TRIM45: variants seen among roughly 807,000 people sequenced by gnomAD.
The protein encoded by TRIM45 is tripartite motif containing 45, also known as E3 ubiquitin-protein ligase TRIM45.
Under a neutral mutation model 46.7 loss-of-function variants are expected in TRIM45, and 45 were observed. The observed-to-expected ratio is 0.96, with a 90% CI of 0.76 to 1.24. The LOEUF is 1.24. Ranked by LOEUF, TRIM45 falls within the 50% of genes most tolerant of loss-of-function variation. The pLI is 0.00. For missense variants in TRIM45, 680 were observed against 728.4 expected (o/e 0.93, Z 0.77); for synonymous variants, 259 against 285.8 (o/e 0.91, Z 0.94).
rs116065845 is a variant in TRIM45, at chr1:117,120,160, A to G, written c.488+554T>C. 2.2e-3 allele frequency among the ~76,000 whole-genome samples: 331 copies of G among 152,300 alleles called. 1 individual carries two copies. The highest frequency in any genetic ancestry group is 7.6e-3 in the African/African-American group (314 of 41,572). ...TCTAAGGTACACAAAGCAAAAGCTG[A>G]GGTCCGGCCAATCATCATCACCTAT... On this transcript the variant is annotated intron_variant, in intron 1 of 5. Coordinates refer to ENST00000256649, the MANE Select transcript of TRIM45 (RefSeq NM_025188.4).
chr1:117,121,924 G>C (rs1650658898), upstream of TRIM45: 1 of 698,724 alleles, frequency 1.4e-6, no homozygotes, highest in African/African-American at 1.8e-5. This position sits in a 1 kb window ranked among gnomAD's most constrained non-coding sequence, Gnocchi z 4.2. Flanking sequence ...GGCGGGACCT[G>C]ACAAGGCCGT....
rs1317259035 is a variant in TRIM45 at position 117,113,874 on chromosome 1, A to G, written c.1468-389T>C. 6.6e-6 allele frequency among the ~76,000 whole-genome samples: 1 copy of G among 152,270 alleles called. No individual in the cohort carries two copies. Among genetic ancestry groups the G allele is most frequent in the Non-Finnish European group, 1.5e-5 (1 of 68,040 alleles). ...AAGATGGCAGCAAAAGCAGAAGCCC[A>G]TGCCACAATAAGCTTAAGCTTTTCT... On this transcript the variant is annotated intron_variant, in intron 4 of 5. Transcript: ENST00000256649. This position sits in a 1 kb window ranked among gnomAD's most constrained non-coding sequence, Gnocchi z 4.0.
intron 5 of TRIM45, 41 bp from the exon 6 acceptor site, chr1:117,112,494 G>C: frequency 6.4e-7 from 1 of 1,566,400 alleles, no homozygotes; most frequent in Non-Finnish European, 8.7e-7. Flanking sequence ...TCAACCATTA[G>C]CGTGGAGGCC....
upstream of TRIM45, among the ~76,000 whole-genome samples, chr1:117,123,613 C>T (rs1238013834): frequency 2.0e-5 from 3 of 151,858 alleles, no homozygotes; most frequent in Non-Finnish European, 4.4e-5. Flanking sequence ...TTCGGGCTAC[C>T]TCTACCTTTC....
intron 4 of TRIM45, among the ~76,000 whole-genome samples, chr1:117,114,820 T>C (rs1277211245): frequency 6.6e-6 from 1 of 152,182 alleles, no homozygotes; most frequent in Non-Finnish European, 1.5e-5. Context: ...AATATGAATG[T>C]TCCTTAGTGC....
At position 117,118,358 on chromosome 1, in the gene TRIM45, CCAGCTGCTTCAG is replaced by C; in HGVS notation, c.886_897del (p.Leu296_Leu299del). 5 of 1,614,204 alleles carry C rather than the reference CCAGCTGCTTCAG, an allele frequency of 3.1e-6. No individual in the cohort carries two copies. The highest frequency in any genetic ancestry group is 4.2e-6 in the Non-Finnish European group (5 of 1,180,046). ...TTTTCCTTCTGGGCCCGTATGTCTTCCAGCTGCTTCAGCAGCTTGTCCCGATGCTCCTCAATG... is the reference window on the plus strand; with the variant it reads ...TTTTCCTTCTGGGCCCGTATGTCTTCCAGCTTGTCCCGATGCTCCTCAATG... On this transcript the variant is annotated inframe_deletion, in exon 2 of 6. Transcript: ENST00000256649. This position sits in a 1 kb window ranked among gnomAD's most constrained non-coding sequence, Gnocchi z 5.7.
At chr1:117,122,056 G>T, upstream of TRIM45, 1 of 479,204 alleles carries the variant, frequency 2.1e-6, no homozygotes, top group Non-Finnish European at 3.7e-6. Flanking sequence ...GTGGTGACCA[G>T]AGAGGCCTCA....
In TRIM45 at chr1:117,116,608, A is replaced by G; in HGVS notation, c.1352+8T>C. The G allele has an allele frequency of 6.2e-7, 1 of 1,613,238 alleles. No homozygotes were observed. The highest frequency in any genetic ancestry group is 8.5e-7 in the Non-Finnish European group (1 of 1,179,766). The stretch of plus-strand genomic sequence containing the variant: ...GTTATCCATGACACCTAATTGTGTC[A>G]TACAAACCTGTCTTTCTTATCTTTA... On this transcript the variant is annotated splice_region_variant and intron_variant, in intron 3 of 5. Coordinates refer to ENST00000256649, the MANE Select transcript of TRIM45 (RefSeq NM_025188.4). This position sits in a 1 kb window ranked among gnomAD's most constrained non-coding sequence, Gnocchi z 4.6.
At chr1:117,121,835 G>C (rs778195116), upstream of TRIM45, 2 of 714,168 alleles carry the variant, frequency 2.8e-6, no homozygotes, top group Admixed American at 2.0e-5. This position sits in a 1 kb window ranked among gnomAD's most constrained non-coding sequence, Gnocchi z 4.2. Context: ...TCCGGGCCCC[G>C]CCGCCCTCCA....
rs779781959 is a variant in TRIM45 at position 117,118,110 on chromosome 1, C to T, written c.1146G>A (p.Gln382=). 12 of 1,614,242 alleles carry T rather than the reference C, an allele frequency of 7.4e-6. No individual in the cohort carries two copies. In the South Asian group the frequency reaches 1.2e-4, roughly 16 times the overall value. Residue 382 remains glutamine (Q), a synonymous_variant, in exon 2 of 6, where the codon CAG becomes CAA. Coordinates refer to ENST00000256649, the MANE Select transcript of TRIM45 (RefSeq NM_025188.4). This position sits in a 1 kb window ranked among gnomAD's most constrained non-coding sequence, Gnocchi z 5.7. ...TACCATAAATTTCATAGCCACGGCA[C>T]TGGCCTGCTTTCTCCTGAGGACAGA... ...IRFCPQEKAG[Q]CRGYEIYGTI...
At chr1:117,112,760 A>T (rs539563976) in intron 5 of TRIM45, among the ~76,000 whole-genome samples, 116 of 152,340 alleles carry the variant, frequency 7.6e-4, no homozygotes, top group Non-Finnish European at 1.4e-3. Flanking sequence ...TTGGATTTTA[A>T]CTGTAAAATC....
chr1:117,118,770 AG>A lies in TRIM45; in HGVS notation c.489-4del, dbSNP rs1395011005. ...GGTAAGTCGTTTTCTTCTGCCGCCT[AG>A]GGGCAAACAGAATCAGTAACAGGAA... On this transcript the variant is annotated splice_region_variant and splice_polypyrimidine_tract_variant and intron_variant, in intron 1 of 5. Transcript: ENST00000256649. This position sits in a 1 kb window ranked among gnomAD's most constrained non-coding sequence, Gnocchi z 5.7. 1 of 1,608,000 alleles carries A rather than the reference AG, an allele frequency of 6.2e-7. No homozygotes were observed. Among genetic ancestry groups the A allele is most frequent in the Non-Finnish European group, 8.5e-7 (1 of 1,176,490 alleles).
chr1:117,121,993 G>T (rs147410691), upstream of TRIM45: 340 of 597,596 alleles, frequency 5.7e-4, no homozygotes, highest in East Asian at 3.8e-3. The surrounding 1 kb of genome is among the most constrained non-coding windows in gnomAD (Gnocchi z 4.2). Flanking sequence ...GGCTCGGAGC[G>T]AGCGGCATAG....
upstream of TRIM45, among the ~76,000 whole-genome samples, chr1:117,122,788 CCT>C (rs1315620731): frequency 2.6e-5 from 4 of 152,190 alleles, no homozygotes; most frequent in African/African-American, 9.7e-5. Context: ...CCAGGCGTCT[CCT>C]GATTCTCCAA....
chr1:117,118,082 T>G lies in TRIM45; in HGVS notation c.1174A>C (p.Ile392Leu). The G allele has an allele frequency of 6.2e-7, 1 of 1,614,176 alleles. No homozygotes were observed. The change falls in exon 2 of 6, where the codon ATT (isoleucine) becomes CTT (leucine). Residue 392 changes from isoleucine (I) to leucine (L), a missense_variant. Coordinates refer to ENST00000256649, the MANE Select transcript of TRIM45 (RefSeq NM_025188.4). This position sits in a 1 kb window ranked among gnomAD's most constrained non-coding sequence, Gnocchi z 5.7. ...GCTGGATCAACCTCTTTGGTATTAATCGTACCATAAATTTCATAGCCACGG... is the reference window on the plus strand; with the variant it reads ...GCTGGATCAACCTCTTTGGTATTAAGCGTACCATAAATTTCATAGCCACGG... Reference protein sequence around the residue: ...QCRGYEIYGTINTKEVDPAKC... With the variant: ...QCRGYEIYGTLNTKEVDPAKC...
chr1:117,115,659 C>G lies in TRIM45; in HGVS notation c.1383G>C (p.Lys461Asn). 1 of 1,614,058 alleles carries G rather than the reference C, an allele frequency of 6.2e-7. No homozygotes were observed. The highest frequency in any genetic ancestry group is 8.5e-7 in the Non-Finnish European group (1 of 1,179,964). Residue 461 changes from lysine (K) to asparagine (N), a missense_variant, in exon 4 of 6, where the codon AAG becomes AAC. Lys to Asn is a moderately conservative substitution (Grantham distance 94, BLOSUM62 0). This residue lies in a region of TRIM45 where 322 missense variants were observed against 359.3 expected (regional missense o/e 0.90). Coordinates refer to ENST00000256649, the MANE Select transcript of TRIM45 (RefSeq NM_025188.4). This position sits in a 1 kb window ranked among gnomAD's most constrained non-coding sequence, Gnocchi z 4.2. ...SPVRTMVQDNKDGTYYISYTP... is the reference protein window; with the variant it reads ...SPVRTMVQDNNDGTYYISYTP... ...TGTAGGAAATGTAGTATGTCCCATC[C>G]TTGTTATCCTGGACCATTGTTCTGA...
chr1:117,123,704 A>G (rs530016126), upstream of TRIM45, among the ~76,000 whole-genome samples: 6 of 150,610 alleles, frequency 4.0e-5, no homozygotes, highest in African/African-American at 1.2e-4. Context: ...ATCTCGGCAC[A>G]CTGCAACCTC....
At position 117,116,871 on chromosome 1, in the gene TRIM45, T is replaced by G; in HGVS notation, c.1223-126A>C. On this transcript the variant is annotated intron_variant, in intron 2 of 5. Coordinates refer to ENST00000256649, the MANE Select transcript of TRIM45 (RefSeq NM_025188.4). This position sits in a 1 kb window ranked among gnomAD's most constrained non-coding sequence, Gnocchi z 4.6. The stretch of plus-strand genomic sequence containing the variant: ...GTAACCACCCTGGGTCCCTTTGTTT[T>G]CTCTTCCCCTTCTGCCTCCCAGAGT... 1 of 1,334,988 alleles carries G rather than the reference T, an allele frequency of 7.5e-7. No individual in the cohort carries two copies. The highest frequency in any genetic ancestry group is 1.5e-5 in the South Asian group (1 of 68,456). 82.7% of individuals were successfully genotyped at this position (1,334,988 alleles called of 1,614,324 possible). A position where few individuals can be genotyped will look rare whatever the true frequency, so the allele number is the denominator to read the frequency against.
rs183047619 is a variant in TRIM45 at position 117,120,162 on chromosome 1, G to C, written c.488+552C>G. On this transcript the variant is annotated intron_variant, in intron 1 of 5. Coordinates refer to ENST00000256649, the MANE Select transcript of TRIM45 (RefSeq NM_025188.4). ...TAAGGTACACAAAGCAAAAGCTGAG[G>C]TCCGGCCAATCATCATCACCTATTC... 3.8e-3 allele frequency among the ~76,000 whole-genome samples: 580 copies of C among 152,262 alleles called. 3 individuals carry two copies. Among genetic ancestry groups the C allele is most frequent in the Admixed American group, 8.8e-3 (135 of 15,296 alleles).
Sources: allele counts gnomAD v4.1 joint callset (sites outside exome capture counted in the v4.1 genomes callset), GRCh38; gene constraint gnomAD v4.1.1; regional missense constraint gnomAD v4.1.1; non-coding constraint Gnocchi (gnomAD v3.1); transcripts MANE v1.5; gene names NCBI Gene and HGNC (gene_info 2026-07-23, HGNC 2026-07-21).